Variants in SPOCK1 observed in about 807,000 individuals in gnomAD.
SPOCK1 encodes SPARC (osteonectin), cwcv and kazal like domains proteoglycan 1.
In SPOCK1, 23 loss-of-function variants were observed where a neutral mutation model predicts 55.3. The ratio of observed to expected loss-of-function variants is 0.42; its 90% confidence interval spans 0.30 to 0.59. The LOEUF (loss-of-function observed/expected upper bound fraction) is 0.59, where lower values mean the gene tolerates loss of function less well. Among genes scored for constraint, SPOCK1 ranks in the 20% least tolerant of loss-of-function variants. The pLI is 0.22. For synonymous variants in SPOCK1, 226 were observed against 221.0 expected (o/e 1.02, Z -0.20); for missense variants, 499 against 552.5 (o/e 0.90, Z 0.97).
At chr5:137,284,458 C>G (rs1757226888) in intron 2 of SPOCK1, among the ~76,000 whole-genome samples, 1 of 152,110 alleles carries the variant, frequency 6.6e-6, no homozygotes, top group Non-Finnish European at 1.5e-5. Context: ...GCTTTCTGTG[C>G]TAAAACATGA....
intron 2 of SPOCK1, among the ~76,000 whole-genome samples, chr5:137,328,134 C>A (rs1391828327): frequency 6.6e-6 from 1 of 152,172 alleles, no homozygotes; most frequent in African/African-American, 2.4e-5. Context: ...ATTGGACTGA[C>A]CAATAAATCT....
At chr5:137,285,519 A>G (rs1300482917) in intron 2 of SPOCK1, among the ~76,000 whole-genome samples, 1 of 152,176 alleles carries the variant, frequency 6.6e-6, no homozygotes, top group Non-Finnish European at 1.5e-5. Context: ...CAGTTTAAAG[A>G]CCGTCAGAAA....
At chr5:137,346,546 G>T (rs1385217983) in intron 2 of SPOCK1, among the ~76,000 whole-genome samples, 1 of 152,172 alleles carries the variant, frequency 6.6e-6, no homozygotes, top group African/African-American at 2.4e-5. Context: ...CTGCACAGAG[G>T]GTGAACAGGA....
intron 6 of SPOCK1, among the ~76,000 whole-genome samples, chr5:137,059,985 T>A (rs1236531741): frequency 6.6e-6 from 1 of 152,198 alleles, no homozygotes; most frequent in African/African-American, 2.4e-5. Flanking sequence ...AGGGAACACT[T>A]ATATACTGCT....
intron 2 of SPOCK1, among the ~76,000 whole-genome samples, chr5:137,370,887 A>T (rs1262744040): frequency 6.6e-6 from 1 of 152,222 alleles, no homozygotes; most frequent in African/African-American, 2.4e-5. Context: ...CCTCAGGTCC[A>T]TGAATGCATC....
intron 2 of SPOCK1, among the ~76,000 whole-genome samples, chr5:137,375,980 T>C (rs527605309): frequency 2.0e-5 from 3 of 152,334 alleles, no homozygotes; most frequent in East Asian, 3.9e-4. Context: ...CATCAGGCCT[T>C]TTAAGAAGGC....
chr5:137,326,937 C>T (rs576151429), intron 2 of SPOCK1, among the ~76,000 whole-genome samples: 1 of 152,114 alleles, frequency 6.6e-6, no homozygotes, highest in South Asian at 2.1e-4. Context: ...TGTACTAAAC[C>T]TCATTATTTC....
chr5:137,457,489 A>G (rs1213969882), intron 2 of SPOCK1, among the ~76,000 whole-genome samples: 1 of 142,904 alleles, frequency 7.0e-6, no homozygotes, highest in Non-Finnish European at 1.6e-5. Flanking sequence ...TTCAAATCTC[A>G]TACTCTGGAT....
intron 3 of SPOCK1, among the ~76,000 whole-genome samples, chr5:137,188,128 C>A (rs1032630073): frequency 6.6e-6 from 1 of 152,180 alleles, no homozygotes; most frequent in African/African-American, 2.4e-5. Flanking sequence ...TGAATCATGG[C>A]AGAAGAAAGG....
chr5:137,348,946 C>A (rs1750619344), intron 2 of SPOCK1, among the ~76,000 whole-genome samples: 1 of 152,166 alleles, frequency 6.6e-6, no homozygotes, highest in African/African-American at 2.4e-5. Flanking sequence ...CCTAAGCCGT[C>A]CAACAAGCTC....
intron 2 of SPOCK1, among the ~76,000 whole-genome samples, chr5:137,317,127 T>C (rs972420446): frequency 6.6e-6 from 1 of 152,182 alleles, no homozygotes; most frequent in Non-Finnish European, 1.5e-5. Flanking sequence ...GGGGCATGTC[T>C]TTTGGCAGAG....
rs547518102 is a variant in SPOCK1, at chr5:137,483,270, T to C, written c.186+15103A>G. Among the ~76,000 whole-genome samples the C allele has an allele frequency of 1.5e-3, 222 of 152,174 alleles. 1 individual carries two copies. Among genetic ancestry groups the C allele is most frequent in the South Asian group, 8.3e-4 (4 of 4,800 alleles). ...ATCACTTGAACCTGGAAGGCGGAGG[T>C]TGCAGTGAGCCAAGATCACGCCATT... On this transcript the variant is annotated intron_variant, in intron 2 of 10. Coordinates refer to ENST00000394945, the MANE Select transcript of SPOCK1 (RefSeq NM_004598.4).
intron 2 of SPOCK1, among the ~76,000 whole-genome samples, chr5:137,471,941 C>A (rs1528971): frequency 6.6e-6 from 1 of 151,964 alleles, no homozygotes; most frequent in South Asian, 2.1e-4. Flanking sequence ...GGCAGAGTGA[C>A]TTCACTCAGG....
At chr5:137,035,010 G>C (rs1350695237) in intron 6 of SPOCK1, among the ~76,000 whole-genome samples, 1 of 152,186 alleles carries the variant, frequency 6.6e-6, no homozygotes, top group Non-Finnish European at 1.5e-5. Context: ...TTCTACTGCT[G>C]GGGTTGGCTG....
intron 3 of SPOCK1, among the ~76,000 whole-genome samples, chr5:137,158,115 G>A (rs1401151081): frequency 1.3e-5 from 2 of 152,106 alleles, no homozygotes; most frequent in Non-Finnish European, 2.9e-5. Flanking sequence ...TTGTGATGTG[G>A]GGTCCCAAAT....
intron 2 of SPOCK1, among the ~76,000 whole-genome samples, chr5:137,372,129 C>T (rs924527992): frequency 2.0e-5 from 3 of 152,216 alleles, no homozygotes; most frequent in Non-Finnish European, 4.4e-5. Context: ...GCACGTCCCA[C>T]TGTGAGCTAG....
intron 6 of SPOCK1, among the ~76,000 whole-genome samples, chr5:137,033,811 C>G (rs1261694030): frequency 6.6e-6 from 1 of 151,972 alleles, no homozygotes; most frequent in Non-Finnish European, 1.5e-5. Flanking sequence ...ACTTTGTTGC[C>G]CAGGCTGGTC....
intron 2 of SPOCK1, among the ~76,000 whole-genome samples, chr5:137,306,340 G>T (rs182646424): frequency 7.0e-4 from 107 of 152,250 alleles, no homozygotes; most frequent in Non-Finnish European, 1.2e-3. Context: ...GAGTGTCCCC[G>T]ATAACGCAGC....
intron 3 of SPOCK1, among the ~76,000 whole-genome samples, chr5:137,256,701 A>G (rs1224579833): frequency 6.6e-6 from 1 of 152,114 alleles, no homozygotes; most frequent in Non-Finnish European, 1.5e-5. Flanking sequence ...CAGTCCCAAC[A>G]AAGACAACTT....
Sources: allele counts gnomAD v4.1 joint callset (sites outside exome capture counted in the v4.1 genomes callset), GRCh38; gene constraint gnomAD v4.1.1; transcripts MANE v1.5; gene names NCBI Gene and HGNC (gene_info 2026-07-23, HGNC 2026-07-21).